The following NAALADL2 variants were observed in gnomAD, a reference collection of about 807,000 sequenced individuals.
NAALADL2 encodes N-acetylated alpha-linked acidic dipeptidase like 2.
Under a neutral mutation model 87.2 loss-of-function variants are expected in NAALADL2, and 76 were observed. The ratio of observed to expected loss-of-function variants is 0.87; its 90% CI spans 0.72 to 1.05. The LOEUF is 1.05. Ranked by LOEUF, NAALADL2 falls within the 50% of genes least tolerant of loss-of-function variation. The pLI is 0.00. For synonymous variants in NAALADL2, 354 were observed against 331.0 expected (o/e 1.07, Z -0.75); for missense variants, 1,089 against 945.8 (o/e 1.15, Z -1.99).
At chr3:175,008,860 C>A (rs963413009) in intron 1 of NAALADL2, among the ~76,000 whole-genome samples, 14 of 150,904 alleles carry the variant, frequency 9.3e-5, no homozygotes, top group African/African-American at 3.4e-4. Context: ...ATACAGTGAG[C>A]AAACCGAGTA....
intron 3 of NAALADL2, among the ~76,000 whole-genome samples, chr3:175,254,315 C>T (rs1749556715): frequency 6.6e-6 from 1 of 152,176 alleles, no homozygotes; most frequent in Non-Finnish European, 1.5e-5. Context: ...TAAAAATGTA[C>T]TGAACACTCA....
chr3:174,993,824 G>A (rs1385908229), intron 1 of NAALADL2, among the ~76,000 whole-genome samples: 2 of 152,160 alleles, frequency 1.3e-5, no homozygotes, highest in Non-Finnish European at 2.9e-5. Context: ...GGTGTTCACA[G>A]GTCCATGCTC....
At chr3:175,520,813 C>T (rs1245063125) in intron 9 of NAALADL2, among the ~76,000 whole-genome samples, 1 of 152,048 alleles carries the variant, frequency 6.6e-6, no homozygotes, top group African/African-American at 2.4e-5. Context: ...AAATGCAGAG[C>T]ATTAGAAGAG....
chr3:175,218,404 TC>T (rs1742863931), intron 2 of NAALADL2, among the ~76,000 whole-genome samples: 1 of 152,212 alleles, frequency 6.6e-6, no homozygotes, highest in African/African-American at 2.4e-5. Context: ...GATAAGGTAA[TC>T]TGAGTTTTCT....
chr3:175,574,154 C>T (rs1385370425), intron 9 of NAALADL2, among the ~76,000 whole-genome samples: 1 of 152,076 alleles, frequency 6.6e-6, no homozygotes, highest in Non-Finnish European at 1.5e-5. Context: ...TAATATTACA[C>T]CACATATTTT....
chr3:175,122,777 T>C (rs1222221239), intron 2 of NAALADL2, among the ~76,000 whole-genome samples: 1 of 151,888 alleles, frequency 6.6e-6, no homozygotes, highest in Non-Finnish European at 1.5e-5. Flanking sequence ...TCAATCTGTT[T>C]TGTGCAGCCA....
intron 11 of NAALADL2, among the ~76,000 whole-genome samples, chr3:175,714,416 C>T (rs2150010641): frequency 1.3e-5 from 2 of 152,194 alleles, no homozygotes; most frequent in Middle Eastern, 6.8e-3. Context: ...TTTTAATGAT[C>T]ACCATTCCAA....
chr3:175,574,577 G>T (rs920823578), intron 9 of NAALADL2, among the ~76,000 whole-genome samples: 1 of 152,094 alleles, frequency 6.6e-6, no homozygotes, highest in South Asian at 2.1e-4. Context: ...CTGGTTACAG[G>T]AACTGTTCTG....
At chr3:174,450,604 G>C (rs377256938) in intron 1 of NAALADL2, among the ~76,000 whole-genome samples, 1 of 152,070 alleles carries the variant, frequency 6.6e-6, no homozygotes, top group African/African-American at 2.4e-5. Context: ...GGGCGCGGTG[G>C]CTATTGCCTG....
intron 10 of NAALADL2, among the ~76,000 whole-genome samples, chr3:175,591,784 G>GTGTGTGTATATA (rs1443245536): frequency 7.3e-6 from 1 of 137,040 alleles, no homozygotes; most frequent in Non-Finnish European, 1.6e-5. Flanking sequence ...GTGTGTGTGT[G>GTGTGTGTATATA]TATATATATA....
chr3:174,833,354 C>T (rs1199202501), intron 3 of NAALADL2, among the ~76,000 whole-genome samples: 2 of 152,024 alleles, frequency 1.3e-5, no homozygotes, highest in Non-Finnish European at 2.9e-5. Flanking sequence ...AATACTGACT[C>T]ATAAAGAGAA....
intron 2 of NAALADL2, among the ~76,000 whole-genome samples, chr3:174,685,894 C>A (rs996108317): frequency 2.0e-5 from 3 of 150,690 alleles, no homozygotes; most frequent in African/African-American, 7.3e-5. Context: ...ATTTATCTCC[C>A]ATGTATAAGT....
At chr3:175,348,591 G>T (rs1350297698) in intron 5 of NAALADL2, among the ~76,000 whole-genome samples, 1 of 152,094 alleles carries the variant, frequency 6.6e-6, no homozygotes, top group Non-Finnish European at 1.5e-5. Context: ...TCCTGCAGTT[G>T]TCAACACTCC....
At chr3:174,513,660 A>G (rs1719749085) in intron 1 of NAALADL2, 1 of 152,116 alleles carries the variant, frequency 6.6e-6, no homozygotes, top group Non-Finnish European at 1.5e-5. Context: ...TCTTTTTGTC[A>G]TGTATGCTTG....
At chr3:175,026,619 C>A (rs1043908445) in intron 1 of NAALADL2, among the ~76,000 whole-genome samples, 4 of 151,226 alleles carry the variant, frequency 2.6e-5, no homozygotes, top group Non-Finnish European at 5.9e-5. Flanking sequence ...CACTCAATTG[C>A]ACTTCAGCCC....
chr3:175,343,031 A>G (rs1646875053), intron 5 of NAALADL2, among the ~76,000 whole-genome samples: 1 of 152,116 alleles, frequency 6.6e-6, no homozygotes, highest in African/African-American at 2.4e-5. Context: ...TATGCATAAA[A>G]AATTCTGAGT....
chr3:175,307,662 C>T (rs1336825126), intron 4 of NAALADL2, among the ~76,000 whole-genome samples: 2 of 152,078 alleles, frequency 1.3e-5, no homozygotes, highest in Non-Finnish European at 2.9e-5. Context: ...CTGATCAGCC[C>T]TTGTTTCCAG....
At chr3:175,376,366 T>G (rs958757446) in intron 5 of NAALADL2, among the ~76,000 whole-genome samples, 3 of 152,106 alleles carry the variant, frequency 2.0e-5, no homozygotes, top group Non-Finnish European at 4.4e-5. Flanking sequence ...TTAAAGGATA[T>G]TTACTTCAAT....
intron 13 of NAALADL2, among the ~76,000 whole-genome samples, chr3:175,780,225 G>A (rs533424684): frequency 1.3e-5 from 2 of 151,198 alleles, no homozygotes; most frequent in Non-Finnish European, 2.9e-5. Context: ...GCAGTGAGCC[G>A]AGATCGCGCC....
Sources: gnomAD v4.1 joint callset for allele counts (sites outside exome capture counted in the v4.1 genomes callset) on GRCh38, gnomAD v4.1.1 for gene constraint, MANE v1.5 for transcripts, NCBI Gene and HGNC (gene_info 2026-07-23, HGNC 2026-07-21) for gene names.